ASAP2: variants seen among roughly 807,000 people sequenced by gnomAD.
ASAP2 encodes arf-GAP with SH3 domain, ANK repeat and PH domain-containing protein 2.
A neutral mutation model predicts 131.4 loss-of-function variants in ASAP2; 45 were observed. The ratio of observed to expected loss-of-function variants is 0.34; its 90% confidence interval spans 0.27 to 0.44. The LOEUF is 0.44. Ranked by LOEUF, ASAP2 falls within the 20% of genes least tolerant of loss-of-function variation. ASAP2 has a pLI of 1.00. For synonymous variants in ASAP2, 510 were observed against 503.0 expected (o/e 1.01, Z -0.19); for missense variants, 1,011 against 1,297.0 (o/e 0.78, Z 3.39).
Position 9,397,135 on chromosome 2 carries a change from C to G in ASAP2, c.2685-2888C>G, listed in dbSNP as rs186657902. Among the ~76,000 whole-genome samples, 92 of 152,362 alleles carry G rather than the reference C, an allele frequency of 6.0e-4. 1 individual carries two copies. Among genetic ancestry groups the G allele is most frequent in the African/African-American group, 2.1e-3 (86 of 41,578 alleles). ...ACCAAAGTGGCCACAGGCCATGCTTCTCTTGGCTTCTGGGCTCTCTTCTGC... is the reference window on the plus strand; with the variant it reads ...ACCAAAGTGGCCACAGGCCATGCTTGTCTTGGCTTCTGGGCTCTCTTCTGC... On this transcript the variant is annotated intron_variant, in intron 24 of 27. Coordinates refer to ENST00000281419, the MANE Select transcript of ASAP2 (RefSeq NM_003887.3).
intron 1 of ASAP2, among the ~76,000 whole-genome samples, chr2:9,278,806 A>G (rs2148304721): frequency 6.6e-6 from 1 of 152,340 alleles, no homozygotes; most frequent in South Asian, 2.1e-4. Flanking sequence ...GGGAAGCAAT[A>G]GGACCCGTCT....
At chr2:9,251,384 C>T (rs1238992172) in intron 1 of ASAP2, among the ~76,000 whole-genome samples, 1 of 152,134 alleles carries the variant, frequency 6.6e-6, no homozygotes, top group African/African-American at 2.4e-5. Flanking sequence ...CCTGCCCTCC[C>T]TGTGGGGGCC....
At chr2:9,253,509 G>A (rs546733227) in intron 1 of ASAP2, among the ~76,000 whole-genome samples, 99 of 152,246 alleles carry the variant, frequency 6.5e-4, no homozygotes, top group African/African-American at 2.2e-3. Context: ...TTGTGAAATC[G>A]TCTAAGCACC....
At position 9,207,290 on chromosome 2, in the gene ASAP2, C is replaced by T; in HGVS notation, c.126+60C>T. On this transcript the variant is annotated intron_variant, in intron 1 of 27. Transcript: ENST00000281419. The surrounding 1 kb of genome is among the most constrained non-coding windows in gnomAD (Gnocchi z 4.1). Reference sequence around the variant, plus strand: ...TATCCCGCGCCCCAGCCCCGCCCGCCGCTCCCGCATCCGCATCCCGAGAAA... The same window carrying T: ...TATCCCGCGCCCCAGCCCCGCCCGCTGCTCCCGCATCCGCATCCCGAGAAA... The T allele has an allele frequency of 6.8e-7, 1 of 1,467,550 alleles. No individual in the cohort carries two copies. The highest frequency in any genetic ancestry group is 9.0e-7 in the Non-Finnish European group (1 of 1,113,958). 90.9% of individuals were successfully genotyped at this position (1,467,550 alleles called of 1,614,324 possible). A position where few individuals can be genotyped will look rare whatever the true frequency, so the allele number is the denominator to read the frequency against.
chr2:9,228,969 C>T lies in ASAP2; in HGVS notation c.126+21739C>T, dbSNP rs138871231. Among the ~76,000 whole-genome samples, 533 of 152,232 alleles carry T rather than the reference C, an allele frequency of 3.5e-3. 5 individuals carry two copies. The highest frequency in any genetic ancestry group is 0.012 in the African/African-American group (498 of 41,526). On this transcript the variant is annotated intron_variant, in intron 1 of 27. Coordinates refer to ENST00000281419, the MANE Select transcript of ASAP2 (RefSeq NM_003887.3). ...GCCAACTCCCCAGAGGTGGAAGATC[C>T]GGTATCTCAGGAGGGAGTGCTGCCG...
chr2:9,315,801 C>T (rs1669633959), intron 3 of ASAP2, among the ~76,000 whole-genome samples: 2 of 152,160 alleles, frequency 1.3e-5, no homozygotes. Flanking sequence ...AAATTTAATG[C>T]TTAAGGCTGA....
At chr2:9,380,645 A>G in intron 19 of ASAP2, 96 bp from the exon 20 acceptor site, 7 of 1,140,730 alleles carry the variant, frequency 6.1e-6, no homozygotes, top group Non-Finnish European at 9.3e-6. Context: ...AATTTAATTT[A>G]GTGCTGCCTT....
intron 2 of ASAP2, among the ~76,000 whole-genome samples, chr2:9,294,639 C>T (rs944338830): frequency 1.2e-4 from 19 of 152,222 alleles, no homozygotes; most frequent in Admixed American, 9.8e-4. Flanking sequence ...TACAAGCCAC[C>T]TAGTAGGCGT....
chr2:9,396,584 G>C lies in ASAP2; in HGVS notation c.2684+2937G>C, dbSNP rs112949838. ...GAGGCACTGCGCCTCACCTCTTTTAGGTTTAATTTTTAAAAATCCTTTTCC... is the reference window on the plus strand; with the variant it reads ...GAGGCACTGCGCCTCACCTCTTTTACGTTTAATTTTTAAAAATCCTTTTCC... On this transcript the variant is annotated intron_variant, in intron 24 of 27. Transcript: ENST00000281419. 3.9e-5 allele frequency among the ~76,000 whole-genome samples: 6 copies of C among 152,182 alleles called. 1 individual carries two copies. In the East Asian group the frequency reaches 7.7e-4, roughly 20 times the overall value.
chr2:9,337,807 G>C (rs757307815), intron 9 of ASAP2, among the ~76,000 whole-genome samples: 15 of 152,080 alleles, frequency 9.9e-5, no homozygotes, highest in Non-Finnish European at 1.9e-4. Context: ...TTTTGTTCTT[G>C]ATATTTTCTG....
At chr2:9,298,668 A>AT (rs1016883783) in intron 3 of ASAP2, among the ~76,000 whole-genome samples, 1 of 151,698 alleles carries the variant, frequency 6.6e-6, no homozygotes, top group African/African-American at 2.4e-5. Context: ...AAGAGTGGAG[A>AT]TTTTTTTTAA....
chr2:9,374,596 G>T (rs750761742), intron 16 of ASAP2, among the ~76,000 whole-genome samples, 159 bp from the exon 17 acceptor site: 1 of 152,212 alleles, frequency 6.6e-6, no homozygotes, highest in Non-Finnish European at 1.5e-5. Flanking sequence ...CAGTGCAGCC[G>T]TAGAACCACA....
chr2:9,314,967 C>G (rs187976914), intron 3 of ASAP2, among the ~76,000 whole-genome samples: 120 of 149,684 alleles, frequency 8.0e-4, no homozygotes, highest in Non-Finnish European at 1.1e-3. Context: ...ATTGGAGGAT[C>G]TGGGGGAGGG....
At chr2:9,276,976 T>C in intron 1 of ASAP2, among the ~76,000 whole-genome samples, 1 of 152,170 alleles carries the variant, frequency 6.6e-6, no homozygotes. Flanking sequence ...CCACTGTCTG[T>C]GGGGAGGCTT....
intron 3 of ASAP2, among the ~76,000 whole-genome samples, chr2:9,304,952 G>A (rs111722400): frequency 0.015 from 2,230 of 150,816 alleles, 53 homozygotes; most frequent in African/African-American, 0.048. Flanking sequence ...AGATATTGGC[G>A]GAGGGGGTTG....
intron 13 of ASAP2, 40 bp downstream of exon 13, chr2:9,356,135 C>T (rs770579188): frequency 2.5e-5 from 41 of 1,613,956 alleles, no homozygotes; most frequent in African/African-American, 8.0e-5. Context: ...TGGACTCAGC[C>T]GTTGTTTGTG....
intron 1 of ASAP2, among the ~76,000 whole-genome samples, chr2:9,249,019 A>G (rs904131500): frequency 2.6e-5 from 4 of 152,218 alleles, no homozygotes; most frequent in African/African-American, 9.6e-5. Context: ...CTAGAATTTT[A>G]GGTCTAGAGG....
At position 9,275,447 on chromosome 2, in the gene ASAP2, C is replaced by T. The variant is rs553011932; in HGVS notation, c.127-3870C>T. ...ATCACTCTGTCATCTGTGGGAGTAT[C>T]AGAGGCAGGAGGGCTGAAATCTGGT... On this transcript the variant is annotated intron_variant, in intron 1 of 27. Coordinates refer to ENST00000281419, the MANE Select transcript of ASAP2 (RefSeq NM_003887.3). 8.0e-4 allele frequency among the ~76,000 whole-genome samples: 122 copies of T among 152,274 alleles called. 2 individuals are homozygous for T. The highest frequency in any genetic ancestry group is 7.5e-3 in the South Asian group (36 of 4,816).
intron 11 of ASAP2, among the ~76,000 whole-genome samples, chr2:9,345,002 T>G (rs1671872245): frequency 6.6e-6 from 1 of 151,348 alleles, no homozygotes; most frequent in South Asian, 2.1e-4. Flanking sequence ...TTTTTTTTTT[T>G]TAATTTTAAT....
Sources: gnomAD v4.1 joint callset for allele counts (sites outside exome capture counted in the v4.1 genomes callset) on GRCh38, gnomAD v4.1.1 for gene constraint, Gnocchi (gnomAD v3.1) non-coding constraint, MANE v1.5 for transcripts, NCBI Gene and HGNC (gene_info 2026-07-23, HGNC 2026-07-21) for gene names.